The following CLXN variants were observed in gnomAD, a reference collection of about 807,000 sequenced individuals.
CLXN encodes calaxin, also known as EF-hand calcium binding domain 1.
chr8:48,722,955 A>G, the CLXN span, among the ~76,000 whole-genome samples: 1 of 152,180 alleles, frequency 6.6e-6, no homozygotes, highest in African/African-American at 2.4e-5. Context: ...AACTCATAGC[A>G]GGATAGAGTA....
At chr8:48,731,440 C>T in the CLXN span, 1 of 1,613,486 alleles carries the variant, frequency 6.2e-7, no homozygotes, top group Non-Finnish European at 8.5e-7. Context: ...CAGACCTTGC[C>T]TCTCTACTCC....
the CLXN span, chr8:48,735,162 C>G: frequency 3.1e-6 from 5 of 1,613,930 alleles, no homozygotes; most frequent in Non-Finnish European, 4.2e-6. Context: ...GTCTGGCGCT[C>G]AGAGAATCGG....
At chr8:48,720,461 A>G in the CLXN span, among the ~76,000 whole-genome samples, 1 of 152,154 alleles carries the variant, frequency 6.6e-6, no homozygotes, top group Non-Finnish European at 1.5e-5. Flanking sequence ...AGTTGAGATA[A>G]GGACTGAGAT....
chr8:48,721,361 T>G, the CLXN span, among the ~76,000 whole-genome samples: 1 of 149,208 alleles, frequency 6.7e-6, no homozygotes, highest in Non-Finnish European at 1.5e-5. Context: ...AGAATTTATA[T>G]TATTAAAATG....
At chr8:48,731,687 C>T in the CLXN span, among the ~76,000 whole-genome samples, 2 of 125,972 alleles carry the variant, frequency 1.6e-5, no homozygotes, top group Non-Finnish European at 3.3e-5. Flanking sequence ...AGCAGCATAC[C>T]CTCCAAACAG....
the CLXN span, among the ~76,000 whole-genome samples, chr8:48,725,012 A>G: frequency 1.3e-5 from 2 of 152,198 alleles, no homozygotes; most frequent in East Asian, 1.9e-4. Flanking sequence ...AGCAAGACCA[A>G]TTGACCCAAC....
the CLXN span, chr8:48,729,568 C>A: frequency 2.7e-6 from 2 of 748,124 alleles, no homozygotes; most frequent in Non-Finnish European, 4.0e-6. Context: ...GGTGGTGAAA[C>A]TGAAAAGAAC....
At chr8:48,729,888 C>G in the CLXN span, 1 of 1,596,446 alleles carries the variant, frequency 6.3e-7, no homozygotes, top group Non-Finnish European at 8.6e-7. Context: ...AAGAAAATAA[C>G]AAATCATGAA....
At chr8:48,729,617 T>C in the CLXN span, 1 of 1,118,196 alleles carries the variant, frequency 8.9e-7, no homozygotes, top group Non-Finnish European at 1.2e-6. Flanking sequence ...GTGTTTTATT[T>C]AAGCAAGCAG....
the CLXN span, among the ~76,000 whole-genome samples, chr8:48,718,151 T>C: frequency 2.0e-5 from 3 of 152,100 alleles, no homozygotes; most frequent in Non-Finnish European, 4.4e-5. Flanking sequence ...AGATATTCCA[T>C]GCAAATGGTA....
the CLXN span, among the ~76,000 whole-genome samples, chr8:48,713,164 G>C: frequency 1.3e-5 from 2 of 152,204 alleles, no homozygotes; most frequent in African/African-American, 4.8e-5. Context: ...ATCCCTGACA[G>C]AGAGGGCAGT....
the CLXN span, among the ~76,000 whole-genome samples, chr8:48,734,865 G>A: frequency 6.6e-6 from 1 of 152,292 alleles, no homozygotes; most frequent in African/African-American, 2.4e-5. Flanking sequence ...GTGTGGGAGT[G>A]TAGGTAGCAC....
the CLXN span, chr8:48,729,656 C>G: frequency 7.1e-7 from 1 of 1,407,654 alleles, no homozygotes; most frequent in Non-Finnish European, 9.6e-7. Flanking sequence ...AATTTGAATT[C>G]TTATTTCTAG....
chr8:48,715,353 A>T, the CLXN span: 6 of 152,186 alleles, frequency 3.9e-5, no homozygotes, highest in African/African-American at 1.4e-4. Flanking sequence ...TGCCAACAAA[A>T]ATAGCTCTGA....
At chr8:48,724,917 A>G in the CLXN span, 1 of 726,008 alleles carries the variant, frequency 1.4e-6, no homozygotes, top group Non-Finnish European at 2.2e-6. Context: ...GTGGGCATCG[A>G]GAACTTCTGG....
the CLXN span, among the ~76,000 whole-genome samples, chr8:48,732,520 T>C: frequency 1.3e-5 from 2 of 152,154 alleles, no homozygotes; most frequent in Admixed American, 6.5e-5. Context: ...AACAATATAA[T>C]GGTTATGATT....
chr8:48,710,871 G>T, the CLXN span: 1 of 152,144 alleles, frequency 6.6e-6, no homozygotes, highest in African/African-American at 2.4e-5. Context: ...CTTTGCCTGG[G>T]ACAACCCCAG....
At chr8:48,711,842 C>T in the CLXN span, 1 of 152,188 alleles carries the variant, frequency 6.6e-6, no homozygotes, top group African/African-American at 2.4e-5. Flanking sequence ...CCTGATTTTC[C>T]AAAATCCAAT....
the CLXN span, among the ~76,000 whole-genome samples, chr8:48,714,569 A>G: frequency 1.3e-5 from 2 of 152,242 alleles, no homozygotes; most frequent in African/African-American, 2.4e-5. Context: ...TACTCAACAT[A>G]CAGTAAAAAG....
Sources: allele counts gnomAD v4.1 joint callset (sites outside exome capture counted in the v4.1 genomes callset), GRCh38; gene constraint gnomAD v4.1.1; transcripts MANE v1.5; gene names NCBI Gene and HGNC (gene_info 2026-07-23, HGNC 2026-07-21).